Variants in ARHGAP10 observed in about 807,000 individuals in gnomAD.
ARHGAP10 encodes rho GTPase-activating protein 10.
In ARHGAP10, 87 loss-of-function variants were observed where a neutral mutation model predicts 108.6. The observed-to-expected ratio is 0.80, with a 90% CI of 0.67 to 0.96. ARHGAP10 has a LOEUF of 0.96. Among genes scored for constraint, ARHGAP10 ranks in the 40% least tolerant of loss-of-function variants. ARHGAP10 has a pLI of 0.00. For synonymous variants in ARHGAP10, 347 were observed against 341.1 expected (o/e 1.02, Z -0.19); for missense variants, 939 against 954.5 (o/e 0.98, Z 0.21).
chr4:148,009,085 G>C (rs1479903490), intron 18 of ARHGAP10, among the ~76,000 whole-genome samples: 1 of 150,950 alleles, frequency 6.6e-6, no homozygotes, highest in African/African-American at 2.4e-5. Context: ...AAGTTCTTTG[G>C]GGGAAAAAAA....
intron 1 of ARHGAP10, among the ~76,000 whole-genome samples, chr4:147,814,569 T>TGTG (rs1732157654): frequency 6.6e-6 from 1 of 152,166 alleles, no homozygotes; most frequent in South Asian, 2.1e-4. Flanking sequence ...TACTCCCACA[T>TGTG]GTGGGAGTGT....
At chr4:147,802,104 G>A (rs1731607910) in intron 1 of ARHGAP10, among the ~76,000 whole-genome samples, 1 of 152,202 alleles carries the variant, frequency 6.6e-6, no homozygotes, top group Non-Finnish European at 1.5e-5. Context: ...GGGCGTATGA[G>A]GATGGACTGA....
intron 13 of ARHGAP10, among the ~76,000 whole-genome samples, chr4:147,926,724 A>C (rs1014750069): frequency 1.3e-5 from 2 of 152,172 alleles, no homozygotes; most frequent in African/African-American, 4.8e-5. Context: ...TAATGGAGAC[A>C]TAAGACAGAG....
intron 3 of ARHGAP10, among the ~76,000 whole-genome samples, chr4:147,845,920 T>C (rs952536997): frequency 6.6e-6 from 1 of 152,196 alleles, no homozygotes; most frequent in Non-Finnish European, 1.5e-5. Context: ...GTAGGACTCT[T>C]TGGTTTGCCA....
At chr4:148,030,002 C>G (rs181557099) in intron 19 of ARHGAP10, among the ~76,000 whole-genome samples, 25 of 148,184 alleles carry the variant, frequency 1.7e-4, no homozygotes, top group Admixed American at 2.6e-4. Flanking sequence ...CATCCCCCCC[C>G]CCACCAACCC....
intron 1 of ARHGAP10, among the ~76,000 whole-genome samples, chr4:147,773,154 A>G (rs1032237157): frequency 1.8e-4 from 28 of 152,210 alleles, no homozygotes; most frequent in African/African-American, 6.8e-4. Flanking sequence ...AGATAGAGTT[A>G]TTTGAAAATA....
intron 18 of ARHGAP10, among the ~76,000 whole-genome samples, chr4:148,014,792 C>T (rs1326391680): frequency 3.3e-5 from 5 of 152,120 alleles, no homozygotes; most frequent in Non-Finnish European, 7.4e-5. Flanking sequence ...TAGAGTGCTA[C>T]CGAAATCAAT....
intron 13 of ARHGAP10, among the ~76,000 whole-genome samples, chr4:147,925,123 G>A (rs1267392050): frequency 2.6e-5 from 4 of 152,158 alleles, no homozygotes; most frequent in Admixed American, 2.6e-4. Flanking sequence ...GGACATTTGA[G>A]CATTAAGATA....
In ARHGAP10 at chr4:148,023,004, T is replaced by G. The variant is rs1382812925; in HGVS notation, c.1717-259T>G. 9.0e-6 allele frequency: 3 copies of G among 331,738 alleles called. No homozygotes were observed. The East Asian group carries it at 1.5e-4, about 17-fold the overall frequency. The allele number at this position is 331,738 out of a possible 1,614,324, so 20.5% of individuals were successfully genotyped here. On this transcript the variant is annotated intron_variant, in intron 18 of 22. Transcript: ENST00000336498. ...ATCTGCTAAAGATAGTTTTATTTGT[T>G]TAGTTTTGGAATGAATTATTTGATA...
intron 1 of ARHGAP10, among the ~76,000 whole-genome samples, chr4:147,742,476 C>CT (rs11420720): frequency 0.76 from 65,806 of 86,618 alleles, 27,764 homozygotes; most frequent in Non-Finnish European, 0.88. Context: ...TCTGTGAACA[C>CT]TTTTTTTTTT....
At chr4:147,970,569 T>G (rs1739367844) in intron 18 of ARHGAP10, among the ~76,000 whole-genome samples, 1 of 151,716 alleles carries the variant, frequency 6.6e-6, no homozygotes, top group Non-Finnish European at 1.5e-5. Context: ...TTTTCCTCCC[T>G]AAGAATGTGA....
chr4:147,844,158 T>C (rs975473726), intron 3 of ARHGAP10, among the ~76,000 whole-genome samples: 1 of 152,172 alleles, frequency 6.6e-6, no homozygotes, highest in African/African-American at 2.4e-5. Context: ...TTGCAGTAAA[T>C]AGTGTCCTTT....
At chr4:147,867,926 CTT>C (rs57058691) in intron 7 of ARHGAP10, among the ~76,000 whole-genome samples, 108,944 of 135,506 alleles carry the variant, frequency 0.8, 46,014 homozygotes, top group East Asian at 0.93. Context: ...TTGTTTCTAA[CTT>C]TTTTTTTTTT....
At chr4:147,815,865 C>G (rs1732221390) in intron 1 of ARHGAP10, among the ~76,000 whole-genome samples, 1 of 152,182 alleles carries the variant, frequency 6.6e-6, no homozygotes, top group South Asian at 2.1e-4. Flanking sequence ...GACAGTCCTG[C>G]TGACACCTTG....
At chr4:147,787,751 A>G (rs948434052) in intron 1 of ARHGAP10, among the ~76,000 whole-genome samples, 20 of 152,096 alleles carry the variant, frequency 1.3e-4, no homozygotes, top group African/African-American at 4.8e-4. Context: ...ACCAGTGACC[A>G]CTGAATCCTG....
intron 10 of ARHGAP10, among the ~76,000 whole-genome samples, chr4:147,884,157 A>G (rs1029858795): frequency 5.3e-5 from 8 of 152,224 alleles, no homozygotes; most frequent in East Asian, 1.9e-4. Flanking sequence ...CTATAATGCA[A>G]TTTAATCATT....
At chr4:147,875,319 C>G (rs942994858) in intron 8 of ARHGAP10, among the ~76,000 whole-genome samples, 169 bp downstream of exon 8, 1 of 152,170 alleles carries the variant, frequency 6.6e-6, no homozygotes, top group Non-Finnish European at 1.5e-5. Context: ...GAAACACATT[C>G]CAGCCCTGGA....
intron 7 of ARHGAP10, among the ~76,000 whole-genome samples, chr4:147,870,087 C>T (rs1174275146): frequency 2.6e-5 from 4 of 151,694 alleles, no homozygotes; most frequent in Non-Finnish European, 5.9e-5. Flanking sequence ...CGCCCTGTCA[C>T]CCAGGCTGGA....
At chr4:147,744,882 AT>A (rs1728842417) in intron 1 of ARHGAP10, among the ~76,000 whole-genome samples, 2 of 152,116 alleles carry the variant, frequency 1.3e-5, no homozygotes, top group African/African-American at 4.8e-5. Context: ...CACCATATGG[AT>A]GGGAAACGAT....
Sources: gnomAD v4.1 joint callset for allele counts (sites outside exome capture counted in the v4.1 genomes callset) on GRCh38, gnomAD v4.1.1 for gene constraint, MANE v1.5 for transcripts, NCBI Gene and HGNC (gene_info 2026-07-23, HGNC 2026-07-21) for gene names.